R3HCC1L: variants seen among roughly 807,000 people sequenced by gnomAD.
R3HCC1L encodes the protein coiled-coil domain-containing protein R3HCC1L.
In R3HCC1L, 51 loss-of-function variants were observed where a neutral mutation model predicts 59.9. The ratio of observed to expected loss-of-function variants is 0.85; its 90% CI spans 0.68 to 1.07. R3HCC1L has a LOEUF of 1.07. R3HCC1L is among the 50% of genes least tolerant of loss of function. The pLI is 0.00. For missense variants in R3HCC1L, 965 were observed against 933.0 expected (o/e 1.03, Z -0.45); for synonymous variants, 322 against 315.2 (o/e 1.02, Z -0.23).
At chr10:98,151,930 C>T (rs1056453913) in intron 1 of R3HCC1L, among the ~76,000 whole-genome samples, 2 of 151,672 alleles carry the variant, frequency 1.3e-5, no homozygotes, top group Non-Finnish European at 3.0e-5. Flanking sequence ...CTCTCCCTCT[C>T]CCCACGGTCT....
At chr10:98,167,811 G>GT (rs1261625585) in intron 4 of R3HCC1L, among the ~76,000 whole-genome samples, 1 of 152,210 alleles carries the variant, frequency 6.6e-6, no homozygotes, top group African/African-American at 2.4e-5. Context: ...CTACCTCTTA[G>GT]TATTGTAGTT....
Position 98,209,765 on chromosome 10 carries a change from T to C in R3HCC1L, c.1651T>C (p.Ser551Pro), listed in dbSNP as rs1478881485. 1 of 1,613,826 alleles carries C rather than the reference T, an allele frequency of 6.2e-7. No individual in the cohort carries two copies. Among genetic ancestry groups the C allele is most frequent in the Non-Finnish European group, 8.5e-7 (1 of 1,179,868 alleles). The part of the protein sequence containing the change: ...FGVSFPDRES[S>P]SMETSIEPKA... ...TGTATCTTTTCCTGATAGGGAATCA[T>C]CATCTATGGAAACATCCATCGAACC... is the stretch of plus-strand genomic sequence containing the variant. Residue 551 changes from serine (S) to proline (P), a missense_variant, in exon 5 of 10, where the codon TCA becomes CCA. Physicochemically the swap from Ser to Pro is moderately conservative, Grantham distance 74. Transcript: ENST00000298999.
chr10:98,169,213 C>CT (rs1848264411), intron 4 of R3HCC1L, among the ~76,000 whole-genome samples: 1 of 152,164 alleles, frequency 6.6e-6, no homozygotes, highest in African/African-American at 2.4e-5. Flanking sequence ...TACATGGATT[C>CT]TAAGCAAATT....
chr10:98,202,591 C>G (rs1021473764), intron 4 of R3HCC1L, among the ~76,000 whole-genome samples: 1 of 151,994 alleles, frequency 6.6e-6, no homozygotes, highest in Non-Finnish European at 1.5e-5. Context: ...CGGTGGCTCA[C>G]GCTTGTAATC....
intron 6 of R3HCC1L, among the ~76,000 whole-genome samples, chr10:98,232,346 C>G (rs1856494081): frequency 6.6e-6 from 1 of 152,108 alleles, no homozygotes; most frequent in Non-Finnish European, 1.5e-5. Context: ...GCTCCTGTTT[C>G]ATTGGTTTAA....
intron 5 of R3HCC1L, among the ~76,000 whole-genome samples, chr10:98,227,308 A>G (rs1728392438): frequency 6.6e-6 from 1 of 152,306 alleles, no homozygotes; most frequent in Middle Eastern, 3.4e-3. Flanking sequence ...ACAGGAATAA[A>G]TAATAATTTT....
chr10:98,226,969 G>A (rs1855739922), intron 5 of R3HCC1L, among the ~76,000 whole-genome samples: 1 of 152,178 alleles, frequency 6.6e-6, no homozygotes, highest in African/African-American at 2.4e-5. Flanking sequence ...TACAAACTCA[G>A]CTCTCTGGTA....
At chr10:98,220,823 A>G (rs1484196436) in intron 5 of R3HCC1L, among the ~76,000 whole-genome samples, 3 of 150,066 alleles carry the variant, frequency 2.0e-5, no homozygotes, top group Non-Finnish European at 3.0e-5. Flanking sequence ...ATTGTGAATA[A>G]TGCCGCAATA....
At chr10:98,234,135 A>G (rs1856671191) in intron 6 of R3HCC1L, among the ~76,000 whole-genome samples, 1 of 152,142 alleles carries the variant, frequency 6.6e-6, no homozygotes, top group Non-Finnish European at 1.5e-5. Context: ...GCCCATAAGA[A>G]CATCTCTTGT....
intron 4 of R3HCC1L, among the ~76,000 whole-genome samples, chr10:98,203,458 TC>T (rs1564687494): frequency 6.6e-6 from 1 of 152,222 alleles, no homozygotes; most frequent in Non-Finnish European, 1.5e-5. Context: ...TATGGTGCAT[TC>T]TGATGAACTA....
intron 4 of R3HCC1L, among the ~76,000 whole-genome samples, chr10:98,177,506 T>C (rs1246309214): frequency 6.6e-6 from 1 of 152,226 alleles, no homozygotes; most frequent in African/African-American, 2.4e-5. Context: ...TGCATGTGTC[T>C]TTATAGTAGC....
In R3HCC1L at chr10:98,209,333, A is replaced by G. The variant is rs1853235772; in HGVS notation, c.1219A>G (p.Ile407Val). 2 of 1,614,072 alleles carry G rather than the reference A, an allele frequency of 1.2e-6. No homozygotes were observed. The highest frequency in any genetic ancestry group is 2.2e-5 in the South Asian group (2 of 91,078). ...AGTTAGAATAGCTGATGAGACCTCT[A>G]TTAATACACGAAGTTTCTCAAAGTT... Reference protein sequence around the residue: ...VAVRIADETSINTRSFSKFVG... With the variant: ...VAVRIADETSVNTRSFSKFVG... Residue 407 changes from isoleucine (I) to valine (V), a missense_variant, in exon 5 of 10, where the codon ATT (isoleucine) becomes GTT (valine). Transcript: ENST00000298999.
intron 7 of R3HCC1L, 128 bp downstream of exon 7, chr10:98,234,644 G>A (rs1362156888): frequency 3.2e-6 from 3 of 934,656 alleles, no homozygotes; most frequent in African/African-American, 3.3e-5. Context: ...GGCAGTTAGT[G>A]GTTTTTTTGA....
chr10:98,208,894 C>A lies in R3HCC1L; in HGVS notation c.780C>A (p.Ser260Arg). The A allele has an allele frequency of 6.2e-7, 1 of 1,614,156 alleles. No individual in the cohort carries two copies. Among genetic ancestry groups the A allele is most frequent in the Non-Finnish European group, 8.5e-7 (1 of 1,180,018 alleles). Residue 260 changes from serine (S) to arginine (R), a missense_variant, in exon 5 of 10, where the codon AGC becomes AGA. Transcript: ENST00000298999. ...MQTSDGILNP[S>R]SGGITTTSVP... ...CATCAGATGGAATATTGAATCCCAG[C>A]AGCGGAGGCATCACCACTACTTCTG...
chr10:98,136,537 ATAATT>A (rs1345494465), intron 1 of R3HCC1L, among the ~76,000 whole-genome samples: 12 of 152,328 alleles, frequency 7.9e-5, no homozygotes, highest in Admixed American at 5.2e-4. Flanking sequence ...AGTATTTTTA[ATAATT>A]TAATAATTTG....
chr10:98,154,336 T>G (rs1846621423), intron 1 of R3HCC1L, among the ~76,000 whole-genome samples: 3 of 152,226 alleles, frequency 2.0e-5, no homozygotes, highest in African/African-American at 7.2e-5. Context: ...CATGCTTGTA[T>G]GGAGGAATCT....
At chr10:98,239,261 G>A (rs1040972061) in intron 9 of R3HCC1L, among the ~76,000 whole-genome samples, 4 of 152,080 alleles carry the variant, frequency 2.6e-5, no homozygotes, top group Non-Finnish European at 4.4e-5. Flanking sequence ...TGACAAATAC[G>A]TATTATATAC....
At chr10:98,212,085 CTG>C (rs917715301) in intron 5 of R3HCC1L, among the ~76,000 whole-genome samples, 13 of 152,034 alleles carry the variant, frequency 8.6e-5, no homozygotes, top group Admixed American at 7.2e-4. Context: ...ATGAGCATAA[CTG>C]AGAGCAGGAA....
chr10:98,169,922 T>G (rs1459636552), intron 4 of R3HCC1L, among the ~76,000 whole-genome samples: 1 of 151,620 alleles, frequency 6.6e-6, no homozygotes, highest in Non-Finnish European at 1.5e-5. Context: ...TGCTTTTTTT[T>G]GGGAATTGTT....
Sources: gnomAD v4.1 joint callset for allele counts (sites outside exome capture counted in the v4.1 genomes callset) on GRCh38, gnomAD v4.1.1 for gene constraint, MANE v1.5 for transcripts, NCBI Gene and HGNC (gene_info 2026-07-23, HGNC 2026-07-21) for gene names.